Variants in PDCD2L observed in about 807,000 individuals in gnomAD.
PDCD2L encodes the protein programmed cell death 2 like.
A neutral mutation model predicts 40.4 loss-of-function variants in PDCD2L; 44 were observed. The observed-to-expected ratio is 1.09, with a 90% CI of 0.86 to 1.40. The LOEUF (loss-of-function observed/expected upper bound fraction) is 1.40, where lower values mean the gene tolerates loss of function less well. Among genes scored for constraint, PDCD2L ranks in the 40% most tolerant of loss-of-function variants. The pLI, the probability that PDCD2L is intolerant of heterozygous loss-of-function variation, is 0.00. For synonymous variants in PDCD2L, 194 were observed against 174.6 expected, an observed-to-expected ratio of 1.11 and a Z score of -0.88; for missense variants, 470 against 453.7, an observed-to-expected ratio of 1.04 and a Z score of -0.33.
intron 3 of PDCD2L, 192 bp from the exon 4 acceptor site, chr19:34,408,967 GAC>G (rs2075089315): frequency 1.7e-6 from 1 of 588,286 alleles, no homozygotes; most frequent in Non-Finnish European, 3.0e-6. Context: ...AAAAAGGAAA[GAC>G]AAGTATTTTA....
At chr19:34,407,716 T>C (rs1225538964) in intron 3 of PDCD2L, among the ~76,000 whole-genome samples, 1 of 152,156 alleles carries the variant, frequency 6.6e-6, no homozygotes, top group Admixed American at 6.6e-5. Flanking sequence ...GGAATATATA[T>C]GGGTGTGTAC....
chr19:34,406,844 T>C (rs1230210812), intron 3 of PDCD2L, among the ~76,000 whole-genome samples: 1 of 148,152 alleles, frequency 6.7e-6, no homozygotes, highest in Middle Eastern at 3.4e-3. Context: ...TTTTTTTTTT[T>C]TTTTTGAGAC....
At chr19:34,406,855 C>T (rs1183328122) in intron 3 of PDCD2L, among the ~76,000 whole-genome samples, 3 of 133,716 alleles carry the variant, frequency 2.2e-5, no homozygotes, top group East Asian at 2.1e-4. Flanking sequence ...TTTTTGAGAC[C>T]GAGTTTCGCT....
At chr19:34,421,366 G>T in intron 5 of PDCD2L, 153 bp from the exon 6 acceptor site, 1 of 806,712 alleles carries the variant, frequency 1.2e-6, no homozygotes, top group South Asian at 1.8e-5. Context: ...AAGATTTCCA[G>T]ATATCTTGCT....
intron 5 of PDCD2L, among the ~76,000 whole-genome samples, chr19:34,419,635 C>T (rs2075140394): frequency 6.6e-6 from 1 of 151,846 alleles, no homozygotes; most frequent in Non-Finnish European, 1.5e-5. Flanking sequence ...TGTCACCACA[C>T]CTGACTTTCC....
intron 3 of PDCD2L, among the ~76,000 whole-genome samples, chr19:34,406,936 G>A (rs1173383491): frequency 1.4e-5 from 2 of 145,196 alleles, no homozygotes; most frequent in African/African-American, 2.6e-5. Context: ...GGATGCAAGC[G>A]CTTATCCTGC....
intron 6 of PDCD2L, chr19:34,421,916 T>C (rs919158700): frequency 3.7e-5 from 11 of 301,018 alleles, no homozygotes; most frequent in African/African-American, 1.1e-4. Context: ...GGTGAAACCC[T>C]GTCTCTACTA....
intron 4 of PDCD2L, among the ~76,000 whole-genome samples, chr19:34,413,001 A>T (rs2075111057): frequency 6.6e-6 from 1 of 152,024 alleles, no homozygotes; most frequent in African/African-American, 2.4e-5. Context: ...CGGCCTCCCA[A>T]AGTGCTGGGA....
At chr19:34,419,251 TC>T (rs576679199) in intron 5 of PDCD2L, among the ~76,000 whole-genome samples, 193 of 152,168 alleles carry the variant, frequency 1.3e-3, no homozygotes, top group African/African-American at 4.2e-3. Context: ...AACCTCTGCC[TC>T]CCAGGTTCAA....
In PDCD2L at chr19:34,426,028, T is replaced by TG. The variant is rs1470893135; in HGVS notation, c.986dup (p.Cys329TrpfsTer2). Reference sequence around the variant, plus strand: ...ATTTGGAACAATTCTAGTTTACACATGTGAGAAGAGTTGCTGGCCCCCAAA... The same window carrying TG: ...ATTTGGAACAATTCTAGTTTACACATGGTGAGAAGAGTTGCTGGCCCCCAAA... On this transcript the variant is annotated frameshift_variant, in exon 7 of 7. Transcript: ENST00000246535. LOFTEE classifies it high-confidence loss of function. 2 of 1,613,422 alleles carry TG rather than the reference T, an allele frequency of 1.2e-6. No homozygotes were observed. The highest frequency in any genetic ancestry group is 2.7e-5 in the African/African-American group (2 of 74,916).
chr19:34,405,139 TA>T, intron 3 of PDCD2L, 149 bp downstream of exon 3: 1 of 567,892 alleles, frequency 1.8e-6, no homozygotes, highest in Non-Finnish European at 2.8e-6. Flanking sequence ...GCTATTTTCG[TA>T]AAGTTTTTTT....
Position 34,405,894 on chromosome 19 carries a change from C to T in PDCD2L, c.336+904C>T, listed in dbSNP as rs909837466. ...GCACTCCAGCGTGGGTGACAGACTC[C>T]GTAAAAACAAAACAAAACAAAACAA... is the stretch of plus-strand genomic sequence containing the variant. On this transcript the variant is annotated intron_variant, in intron 3 of 6. Transcript: ENST00000246535. Among the ~76,000 whole-genome samples, 4 of 151,208 alleles carry T rather than the reference C, an allele frequency of 2.6e-5. No homozygotes were observed. In the East Asian group the frequency reaches 5.8e-4, roughly 22 times the overall value.
chr19:34,408,055 G>A (rs569487623), intron 3 of PDCD2L, among the ~76,000 whole-genome samples: 1 of 151,900 alleles, frequency 6.6e-6, no homozygotes, highest in East Asian at 2.0e-4. Flanking sequence ...TTACAGGCAC[G>A]TGCCACCATG....
chr19:34,409,549 T>C (rs1482088022), intron 4 of PDCD2L, 39 bp downstream of exon 4: 4 of 1,563,440 alleles, frequency 2.6e-6, no homozygotes, highest in Middle Eastern at 2.1e-4. Context: ...GGTGACTGGA[T>C]TGGGAAGCAG....
intron 6 of PDCD2L, among the ~76,000 whole-genome samples, chr19:34,425,448 G>A (rs1244390287): frequency 6.6e-6 from 1 of 150,810 alleles, no homozygotes; most frequent in East Asian, 2.0e-4. Flanking sequence ...GACTACAGGT[G>A]TGCACCGTTA....
chr19:34,411,212 C>T (rs1262010406), intron 4 of PDCD2L, among the ~76,000 whole-genome samples: 1 of 120,060 alleles, frequency 8.3e-6, no homozygotes, highest in Admixed American at 9.2e-5. Flanking sequence ...GTTTCCCAGG[C>T]TGAACTGCAG....
intron 6 of PDCD2L, among the ~76,000 whole-genome samples, chr19:34,423,006 C>T (rs905220570): frequency 2.0e-5 from 3 of 152,248 alleles, no homozygotes; most frequent in South Asian, 2.1e-4. Flanking sequence ...GCGTGAGCTG[C>T]CACGCCTGGC....
chr19:34,413,805 A>G lies in PDCD2L; in HGVS notation c.755A>G (p.Lys252Arg), dbSNP rs1179615555. ...AAAAGTGGAGATCAGACGTTTTACA[A>G]ATTCATGAAGCGAATTGCTGCTTGT... ...IIKSGDQTFY[K>R]FMKRIAACQE... Residue 252 changes from lysine to arginine, a missense_variant, in exon 5 of 7, where the codon AAA (lysine) becomes AGA (arginine). By Grantham distance (26) the Lys-to-Arg change is conservative (BLOSUM62 2). Transcript: ENST00000246535. 6.2e-7 allele frequency: 1 copy of G among 1,608,694 alleles called. No homozygotes were observed. The highest frequency in any genetic ancestry group is 1.3e-5 in the African/African-American group (1 of 74,936).
At chr19:34,406,388 A>ATTT (rs1163012080) in intron 3 of PDCD2L, among the ~76,000 whole-genome samples, 6 of 141,454 alleles carry the variant, frequency 4.2e-5, no homozygotes, top group Admixed American at 7.1e-5. Context: ...CAATACTCTT[A>ATTT]TTTTTTTTTT....
Sources: allele counts gnomAD v4.1 joint callset (sites outside exome capture counted in the v4.1 genomes callset), GRCh38; gene constraint gnomAD v4.1.1; transcripts MANE v1.5; gene names NCBI Gene and HGNC (gene_info 2026-07-23, HGNC 2026-07-21).